HMGN5: variants seen among roughly 807,000 people sequenced by gnomAD.
HMGN5 encodes the protein high mobility group nucleosome binding domain 5, also known as high mobility group nucleosome-binding domain-containing protein 5.
In HMGN5, 4 loss-of-function variants were observed where a neutral mutation model predicts 9.5. The ratio of observed to expected loss-of-function variants is 0.42; its 90% CI spans 0.21 to 0.96. HMGN5 has a LOEUF of 0.96. Ranked by LOEUF, HMGN5 falls within the 40% of genes least tolerant of loss-of-function variation. The probability of loss-of-function intolerance (pLI) is 0.30; values close to 1 mark genes in which losing one functional copy is unlikely to be tolerated. For synonymous variants in HMGN5, 55 were observed against 57.1 expected (o/e 0.96, Z 0.16); for missense variants, 192 against 187.5 (o/e 1.02, Z -0.14).
chrX:81,178,243 A>G (rs1051054804), intron 1 of HMGN5, among the ~76,000 whole-genome samples: 10 of 111,689 alleles, frequency 9.0e-5, no homozygotes, highest in Non-Finnish European at 1.5e-4. Flanking sequence ...ATAGAGACAC[A>G]AAAAACCCTT....
intron 1 of HMGN5, among the ~76,000 whole-genome samples, chrX:81,152,325 G>T (rs1282814636): frequency 1.6e-4 from 18 of 111,733 alleles, no homozygotes; most frequent in African/African-American, 2.0e-4. Flanking sequence ...CCATCAAAAA[G>T]TCGGCAAAGG....
intron 1 of HMGN5, among the ~76,000 whole-genome samples, chrX:81,144,305 G>A (rs747435361): frequency 1.8e-5 from 2 of 111,786 alleles, no homozygotes; most frequent in African/African-American, 6.5e-5. Context: ...GGAAGGAACA[G>A]GCAGCAATCT....
chrX:81,183,931 A>G (rs2075470032), intron 1 of HMGN5, among the ~76,000 whole-genome samples: 3 of 111,926 alleles, frequency 2.7e-5, no homozygotes, highest in Non-Finnish European at 3.8e-5. Context: ...ACAGGCTCTT[A>G]GGTGGAAAGG....
intron 1 of HMGN5, among the ~76,000 whole-genome samples, chrX:81,188,317 T>C (rs1311559778): frequency 1.1e-4 from 12 of 106,302 alleles, no homozygotes. Flanking sequence ...ATTGTACTGA[T>C]GGGGTTTTGC....
At chrX:81,172,225 A>G (rs1199223638) in intron 1 of HMGN5, among the ~76,000 whole-genome samples, 1 of 111,394 alleles carries the variant, frequency 9.0e-6, no homozygotes, top group Admixed American at 9.6e-5. Context: ...TAAGAAACAT[A>G]AAAACCAAAT....
intron 1 of HMGN5, among the ~76,000 whole-genome samples, chrX:81,123,925 T>TA (rs1411772573): frequency 8.9e-6 from 1 of 112,002 alleles, no homozygotes; most frequent in East Asian, 2.8e-4. Context: ...GGTAGACTGT[T>TA]ACATTACAGC....
chrX:81,148,429 T>C (rs2075351481), intron 1 of HMGN5, among the ~76,000 whole-genome samples: 1 of 112,201 alleles, frequency 8.9e-6, no homozygotes, highest in South Asian at 3.7e-4. Flanking sequence ...GCTAGCCATA[T>C]GCAGAAAGCT....
chrX:81,192,697 CTT>C (rs757720467), intron 1 of HMGN5, among the ~76,000 whole-genome samples: 16 of 111,690 alleles, frequency 1.4e-4, no homozygotes, highest in African/African-American at 5.2e-4. Context: ...ATGAAAGTGT[CTT>C]TATTTCACAT....
intron 1 of HMGN5, among the ~76,000 whole-genome samples, chrX:81,198,662 C>A (rs193123200): frequency 9.0e-6 from 1 of 111,274 alleles, no homozygotes; most frequent in Admixed American, 9.6e-5. Context: ...AAAAGGCCTT[C>A]GAAAAAATTT....
intron 1 of HMGN5, among the ~76,000 whole-genome samples, chrX:81,141,055 T>C (rs1319339911): frequency 1.8e-5 from 2 of 111,648 alleles, no homozygotes; most frequent in Admixed American, 9.5e-5. Flanking sequence ...TGGTGGTAGC[T>C]ACCAGGAGAG....
chrX:81,122,072 T>C (rs1290361210), intron 1 of HMGN5, among the ~76,000 whole-genome samples: 1 of 112,420 alleles, frequency 8.9e-6, no homozygotes, highest in African/African-American at 3.2e-5. Flanking sequence ...TAAGACCAGT[T>C]GAGTCTGGGC....
chrX:81,186,712 T>C (rs1315754849), intron 1 of HMGN5, among the ~76,000 whole-genome samples: 4 of 111,347 alleles, frequency 3.6e-5, no homozygotes, highest in African/African-American at 1.3e-4. Context: ...GGGTACATAG[T>C]AGGTGTATAT....
chrX:81,145,146 G>A (rs1013507878), intron 1 of HMGN5, among the ~76,000 whole-genome samples: 6 of 111,376 alleles, frequency 5.4e-5, no homozygotes, highest in African/African-American at 9.8e-5. Context: ...GAAATACAGC[G>A]AACAACACAA....
intron 1 of HMGN5, among the ~76,000 whole-genome samples, chrX:81,162,605 G>A: frequency 9.0e-6 from 1 of 111,416 alleles, no homozygotes; most frequent in Middle Eastern, 4.6e-3. Context: ...AGGGCCTATG[G>A]CAATTATTCT....
rs1014929777 is a variant in HMGN5 at position 81,118,815 on chromosome X, T to A, written c.46-56A>T. ...GAATTATGGATACAAAAAGCTAGAA[T>A]TATTTTTATTGAGGTCAAAATATTT... On this transcript the variant is annotated intron_variant, in intron 3 of 6. Coordinates refer to ENST00000358130, the MANE Select transcript of HMGN5 (RefSeq NM_030763.3). The A allele has an allele frequency of 6.0e-6, 5 of 835,343 alleles. No individual in the cohort carries two copies. In the African/African-American group the frequency reaches 1.0e-4, roughly 17 times the overall value. The allele number at this position is 835,343 out of a possible 1,213,427, so 68.8% of individuals were successfully genotyped here.
intron 1 of HMGN5, among the ~76,000 whole-genome samples, chrX:81,161,326 T>A (rs2075397301): frequency 9.0e-6 from 1 of 111,211 alleles, no homozygotes; most frequent in Admixed American, 9.6e-5. Context: ...TACTGCCAGA[T>A]ATATGAATGA....
intron 1 of HMGN5, among the ~76,000 whole-genome samples, chrX:81,183,045 G>T (rs965812114): frequency 1.3e-4 from 15 of 111,877 alleles, no homozygotes; most frequent in East Asian, 2.8e-4. Flanking sequence ...GATAAGAAAC[G>T]TATTGGTCAC....
In HMGN5 at chrX:81,201,903, C is replaced by A; in HGVS notation, c.-290G>T. The A allele has an allele frequency of 3.2e-6, 1 of 316,896 alleles. No individual in the cohort carries two copies. The highest frequency in any genetic ancestry group is 5.4e-6 in the Non-Finnish European group (1 of 183,835). 26.1% of individuals were successfully genotyped at this position (316,896 alleles called of 1,213,427 possible). A position where few individuals can be genotyped will look rare whatever the true frequency, so the allele number is the denominator to read the frequency against. ...CTCGCCCTCTTCTCAGGGAAGGAAT[C>A]GTCAAAAATCAATGTTTCAACAGAT... is the stretch of plus-strand genomic sequence containing the variant. On this transcript the variant is annotated 5_prime_UTR_variant, in exon 1 of 7. Coordinates refer to ENST00000358130, the MANE Select transcript of HMGN5 (RefSeq NM_030763.3).
chrX:81,173,021 A>T (rs1165692003), intron 1 of HMGN5, among the ~76,000 whole-genome samples: 1 of 111,408 alleles, frequency 9.0e-6, no homozygotes, highest in Non-Finnish European at 1.9e-5. Flanking sequence ...CAACAATCCT[A>T]CTAGAATTTA....
Sources: allele counts gnomAD v4.1 joint callset (sites outside exome capture counted in the v4.1 genomes callset), GRCh38; gene constraint gnomAD v4.1.1; transcripts MANE v1.5; gene names NCBI Gene and HGNC (gene_info 2026-07-23, HGNC 2026-07-21).